The following STK32B variants were observed in gnomAD, a reference collection of about 807,000 sequenced individuals.
STK32B encodes serine/threonine-protein kinase 32B.
A neutral mutation model predicts 52.6 loss-of-function variants in STK32B; 43 were observed. The ratio of observed to expected loss-of-function variants is 0.82; its 90% CI spans 0.64 to 1.05. The LOEUF (loss-of-function observed/expected upper bound fraction) is 1.05, where lower values mean the gene tolerates loss of function less well. Ranked by LOEUF, STK32B falls within the 50% of genes least tolerant of loss-of-function variation. The pLI is 0.00. For synonymous variants in STK32B, 238 were observed against 204.3 expected, an observed-to-expected ratio of 1.17 and a Z score of -1.41; for missense variants, 621 against 534.6, an observed-to-expected ratio of 1.16 and a Z score of -1.59.
chr4:5,169,901 T>C (rs1719221316), intron 3 of STK32B, among the ~76,000 whole-genome samples: 2 of 152,230 alleles, frequency 1.3e-5, no homozygotes, highest in South Asian at 2.1e-4. Context: ...TCTTGTATTT[T>C]TTTTCATATC....
intron 1 of STK32B, among the ~76,000 whole-genome samples, chr4:5,085,879 A>G (rs948475978): frequency 7.2e-5 from 11 of 152,224 alleles, no homozygotes; most frequent in Admixed American, 6.5e-4. Context: ...CAGAGAGAGC[A>G]GAAGAGACCT....
intron 3 of STK32B, among the ~76,000 whole-genome samples, chr4:5,231,333 G>A (rs569883544): frequency 3.3e-5 from 5 of 151,972 alleles, no homozygotes; most frequent in Admixed American, 6.6e-5. Context: ...GCTCTTAGCC[G>A]GGTGCAGTGG....
intron 4 of STK32B, among the ~76,000 whole-genome samples, chr4:5,340,752 T>C (rs912543936): frequency 6.6e-5 from 10 of 152,246 alleles, no homozygotes; most frequent in African/African-American, 1.9e-4. Flanking sequence ...TTAAACTATA[T>C]ACATATACAT....
At chr4:5,142,693 T>A (rs538416056) in intron 2 of STK32B, among the ~76,000 whole-genome samples, 2 of 152,284 alleles carry the variant, frequency 1.3e-5, no homozygotes, top group African/African-American at 4.8e-5. Flanking sequence ...AAATCAGACA[T>A]AAAAAACAGT....
chr4:5,060,237 A>T (rs1180359661), intron 1 of STK32B, among the ~76,000 whole-genome samples: 1 of 152,172 alleles, frequency 6.6e-6, no homozygotes. Context: ...AAGTACTGGG[A>T]TAACAGGTGT....
chr4:5,455,540 C>G (rs1348176515), intron 7 of STK32B, among the ~76,000 whole-genome samples: 4 of 152,208 alleles, frequency 2.6e-5, no homozygotes, highest in Non-Finnish European at 2.9e-5. Flanking sequence ...CTTCTTGGAA[C>G]TTTTCCGAAG....
intron 6 of STK32B, among the ~76,000 whole-genome samples, chr4:5,418,692 C>T (rs562594430): frequency 6.0e-4 from 91 of 152,342 alleles, no homozygotes; most frequent in African/African-American, 2.2e-3. Context: ...CTCTCTGCTG[C>T]TGTCTGTCAT....
At chr4:5,075,682 A>G (rs1192123186) in intron 1 of STK32B, among the ~76,000 whole-genome samples, 1 of 152,146 alleles carries the variant, frequency 6.6e-6, no homozygotes, top group Non-Finnish European at 1.5e-5. Context: ...AAATTTAGGA[A>G]ACCTGAAAAT....
rs565121330 is a variant in STK32B at position 5,446,274 on chromosome 4, C to G, written c.563-399C>G. Reference sequence around the variant, plus strand: ...GTACAGGTTTTACTGTCCAAGAAAGCTAGATTTCTGACCGGATGCGATGGC... The same window carrying G: ...GTACAGGTTTTACTGTCCAAGAAAGGTAGATTTCTGACCGGATGCGATGGC... On this transcript the variant is annotated intron_variant, in intron 6 of 11. Coordinates refer to ENST00000282908, the MANE Select transcript of STK32B (RefSeq NM_018401.3). Among the ~76,000 whole-genome samples the G allele has an allele frequency of 7.2e-5, 11 of 152,338 alleles. No homozygotes were observed. The South Asian group carries it at 2.3e-3, about 32-fold the overall frequency.
the STK32B span, among the ~76,000 whole-genome samples, chr4:5,043,558 G>A: frequency 1.3e-5 from 2 of 152,192 alleles, no homozygotes. Context: ...TTAGCAGCCT[G>A]CTCTCTTAGG....
chr4:5,132,626 C>G lies in STK32B; in HGVS notation c.53-7279C>G, dbSNP rs1244175757. On this transcript the variant is annotated intron_variant, in intron 1 of 11. Transcript: ENST00000282908. ...CAAGCAGACAGATTTTCCCCAAGAT[C>G]TTCCAGAAGAAACACAGTCCTGCTG... 2.0e-5 allele frequency among the ~76,000 whole-genome samples: 3 copies of G among 151,248 alleles called. No individual in the cohort carries two copies. In the East Asian group the frequency reaches 5.8e-4, roughly 29 times the overall value.
chr4:5,234,873 A>C (rs1394803229), intron 3 of STK32B, among the ~76,000 whole-genome samples: 1 of 152,260 alleles, frequency 6.6e-6, no homozygotes, highest in African/African-American at 2.4e-5. Flanking sequence ...TGCCCAACGA[A>C]TTTGAAATAA....
chr4:5,290,907 C>T (rs188013647), intron 3 of STK32B, among the ~76,000 whole-genome samples: 299 of 152,098 alleles, frequency 2.0e-3, no homozygotes, highest in African/African-American at 6.5e-3. Context: ...AAAATTCATA[C>T]GGAAAGGCAA....
chr4:5,486,178 C>T (rs1030597701), intron 11 of STK32B, among the ~76,000 whole-genome samples: 2 of 152,166 alleles, frequency 1.3e-5, no homozygotes, highest in African/African-American at 4.8e-5. Flanking sequence ...ATGCCCATGC[C>T]CCCAGAGGTG....
At chr4:5,132,906 C>T (rs1163349371) in intron 1 of STK32B, among the ~76,000 whole-genome samples, 1 of 151,528 alleles carries the variant, frequency 6.6e-6, no homozygotes, top group African/African-American at 2.4e-5. Context: ...TCAGGTGATT[C>T]TTCTGCCTCA....
In STK32B at chr4:5,398,070, C is replaced by A; in HGVS notation, c.435-137C>A. On this transcript the variant is annotated intron_variant, in intron 4 of 11. Transcript: ENST00000282908. This position sits in a 1 kb window ranked among gnomAD's most constrained non-coding sequence, Gnocchi z 4.9. ...CATTATCTTACCAATTATTCTCCCACTCCATGTCTGAGGCTTCAGGTCAGG... is the reference window on the plus strand; with the variant it reads ...CATTATCTTACCAATTATTCTCCCAATCCATGTCTGAGGCTTCAGGTCAGG... The A allele has an allele frequency of 2.5e-6, 2 of 814,744 alleles. No homozygotes were observed. Among genetic ancestry groups the A allele is most frequent in the Non-Finnish European group, 3.9e-6 (2 of 506,576 alleles). The allele number at this position is 814,744 out of a possible 1,614,324, so 50.5% of individuals were successfully genotyped here.
intron 5 of STK32B, among the ~76,000 whole-genome samples, chr4:5,409,918 CAT>C (rs1272978178): frequency 1.3e-5 from 2 of 152,120 alleles, no homozygotes; most frequent in Non-Finnish European, 2.9e-5. Flanking sequence ...CAGGCAAAGA[CAT>C]GTGCTGAAAA....
chr4:5,490,171 A>G (rs953702999), intron 11 of STK32B, among the ~76,000 whole-genome samples: 36 of 150,466 alleles, frequency 2.4e-4, no homozygotes, highest in African/African-American at 8.6e-4. Flanking sequence ...CAGTGGCATG[A>G]TCTTGGCTCA....
chr4:5,115,335 C>T (rs997089219), intron 1 of STK32B, among the ~76,000 whole-genome samples: 6 of 151,998 alleles, frequency 3.9e-5, no homozygotes, highest in African/African-American at 1.2e-4. Context: ...AGAGCCCCTG[C>T]CCTGAAAAAA....
Sources: gnomAD v4.1 joint callset for allele counts (sites outside exome capture counted in the v4.1 genomes callset) on GRCh38, gnomAD v4.1.1 for gene constraint, Gnocchi (gnomAD v3.1) non-coding constraint, MANE v1.5 for transcripts, NCBI Gene and HGNC (gene_info 2026-07-23, HGNC 2026-07-21) for gene names.